ADAMTS2: variants seen among roughly 807,000 people sequenced by gnomAD.
The protein encoded by ADAMTS2 is A disintegrin and metalloproteinase with thrombospondin motifs 2.
In ADAMTS2, 50 loss-of-function variants were observed where a neutral mutation model predicts 123.0. The ratio of observed to expected loss-of-function variants is 0.41; its 90% CI spans 0.32 to 0.51. The LOEUF (loss-of-function observed/expected upper bound fraction) is 0.51, where lower values mean the gene tolerates loss of function less well. Ranked by LOEUF, ADAMTS2 falls within the 20% of genes least tolerant of loss-of-function variation. ADAMTS2 has a pLI of 0.35. For missense variants in ADAMTS2, 1,494 were observed against 1,705.2 expected (o/e 0.88, Z 2.18); for synonymous variants, 678 against 695.4 (o/e 0.98, Z 0.39).
rs559753547 is a variant in ADAMTS2 at position 179,130,242 on chromosome 5, C to T, written c.2291-144G>A. 11 of 1,016,094 alleles carry T rather than the reference C, an allele frequency of 1.1e-5. No individual in the cohort carries two copies. Among genetic ancestry groups the T allele is most frequent in the African/African-American group, 9.5e-5 (6 of 63,150 alleles). 62.9% of individuals were successfully genotyped at this position (1,016,094 alleles called of 1,614,324 possible). On this transcript the variant is annotated intron_variant, in intron 15 of 21. Transcript: ENST00000251582. The surrounding 1 kb of genome is among the most constrained non-coding windows in gnomAD (Gnocchi z 4.3). Reference sequence around the variant, plus strand: ...CCCCCGGCCAGTTTCCTCTGTGCCACGACAGCCCAGATGGCTCTGGGAGCC... The same window carrying T: ...CCCCCGGCCAGTTTCCTCTGTGCCATGACAGCCCAGATGGCTCTGGGAGCC...
intron 2 of ADAMTS2, among the ~76,000 whole-genome samples, chr5:179,330,919 A>G (rs1481579595): frequency 6.6e-6 from 1 of 152,186 alleles, no homozygotes; most frequent in African/African-American, 2.4e-5. Flanking sequence ...GAGAGGAGAC[A>G]TGAATTCCCC....
At chr5:179,276,118 CAGGCCTGGCGA>C (rs1766688383) in intron 2 of ADAMTS2, among the ~76,000 whole-genome samples, 1 of 152,146 alleles carries the variant, frequency 6.6e-6, no homozygotes, top group South Asian at 2.1e-4. Context: ...AGGGCTCAAC[CAGGCCTGGCGA>C]AGACTCAGCA....
chr5:179,336,319 C>T (rs153817), intron 2 of ADAMTS2, among the ~76,000 whole-genome samples: 46,706 of 152,172 alleles, frequency 0.31, 7,511 homozygotes, highest in East Asian at 0.54. Flanking sequence ...AGCTTTGCAT[C>T]GGTGAGGCAA....
rs1179902777 is a variant in ADAMTS2, at chr5:179,118,205, A to G, written c.3178+3456T>C. ...CCTGGCCAAGAGATTGACTATGCAA[A>G]TAGCCTAGGAAAATTTCAAAATAGC... is the stretch of plus-strand genomic sequence containing the variant. On this transcript the variant is annotated intron_variant, in intron 21 of 21. Transcript: ENST00000251582. The surrounding 1 kb of genome is among the most constrained non-coding windows in gnomAD (Gnocchi z 4.5). Among the ~76,000 whole-genome samples, 2 of 152,240 alleles carry G rather than the reference A, an allele frequency of 1.3e-5. No homozygotes were observed. Among genetic ancestry groups the G allele is most frequent in the African/African-American group, 4.8e-5 (2 of 41,464 alleles).
intron 2 of ADAMTS2, among the ~76,000 whole-genome samples, chr5:179,328,008 T>C (rs1757358930): frequency 6.6e-6 from 1 of 152,084 alleles, no homozygotes; most frequent in Non-Finnish European, 1.5e-5. Context: ...ATGGGAAACA[T>C]CCAAGCGAGA....
intron 3 of ADAMTS2, among the ~76,000 whole-genome samples, chr5:179,244,317 T>A (rs1360826426): frequency 6.8e-6 from 1 of 147,414 alleles, no homozygotes; most frequent in Non-Finnish European, 1.5e-5. Flanking sequence ...CAGTGGGATT[T>A]CCAGCCGACT....
chr5:179,114,079 C>T lies in ADAMTS2; in HGVS notation c.3424G>A (p.Val1142Ile). Residue 1142 changes from valine to isoleucine, a missense_variant, in exon 22 of 22, where the codon GTC (valine) becomes ATC (isoleucine). Val to Ile is a conservative substitution (Grantham distance 29). Around this residue, in one of 6 missense-constraint regions of ADAMTS2, gnomAD observed 953 missense variants for 1,124.7 expected, o/e 0.85. Coordinates refer to ENST00000251582, the MANE Select transcript of ADAMTS2 (RefSeq NM_014244.5). ...TTGGTGCTGGAGGCATTGAGAGGGA[C>T]CTCCAGGGGGGTGCTTGGTGATGGC... is the stretch of plus-strand genomic sequence containing the variant. ...VRPSPSTPLE[V>I]PLNASSTNAT... is the part of the protein sequence containing the mutation. The T allele has an allele frequency of 6.2e-7, 1 of 1,614,092 alleles. No homozygotes were observed. Among genetic ancestry groups the T allele is most frequent in the Non-Finnish European group, 8.5e-7 (1 of 1,180,024 alleles).
chr5:179,320,002 C>A (rs1049062265), intron 2 of ADAMTS2, among the ~76,000 whole-genome samples: 13 of 152,236 alleles, frequency 8.5e-5, no homozygotes, highest in Non-Finnish European at 1.5e-5. Context: ...TGCTGCCCAG[C>A]CTGACGGCTC....
At chr5:179,321,386 C>T (rs1159782296) in intron 2 of ADAMTS2, among the ~76,000 whole-genome samples, 1 of 152,180 alleles carries the variant, frequency 6.6e-6, no homozygotes, top group Non-Finnish European at 1.5e-5. Context: ...TCTCACTGGC[C>T]CCTCACCTGG....
At chr5:179,259,264 G>C (rs1448609037) in intron 3 of ADAMTS2, among the ~76,000 whole-genome samples, 2 of 152,150 alleles carry the variant, frequency 1.3e-5, no homozygotes, top group Admixed American at 1.3e-4. Context: ...CACACTCCAG[G>C]CCTCAGCCCA....
intron 13 of ADAMTS2, among the ~76,000 whole-genome samples, chr5:179,134,882 G>A (rs1235288203): frequency 1.3e-5 from 1 of 75,136 alleles, no homozygotes; most frequent in Admixed American, 1.4e-4. Flanking sequence ...TCCAGCTCCC[G>A]GCTCCAGACC....
intron 4 of ADAMTS2, among the ~76,000 whole-genome samples, chr5:179,205,054 C>T (rs536307418): frequency 3.5e-4 from 53 of 152,342 alleles, no homozygotes; most frequent in African/African-American, 1.2e-3. Context: ...TCATGCTTTT[C>T]TAGAAACGAA....
intron 2 of ADAMTS2, among the ~76,000 whole-genome samples, chr5:179,302,794 G>A (rs1035209901): frequency 1.9e-4 from 29 of 152,036 alleles, no homozygotes; most frequent in Admixed American, 1.7e-3. Flanking sequence ...AAGAGGCAGC[G>A]ATGGAGAGAT....
intron 5 of ADAMTS2, among the ~76,000 whole-genome samples, chr5:179,172,598 C>T (rs1763845931): frequency 6.6e-6 from 1 of 152,210 alleles, no homozygotes; most frequent in African/African-American, 2.4e-5. Flanking sequence ...GGTGGACCCC[C>T]TGCCCCAGCC....
intron 2 of ADAMTS2, among the ~76,000 whole-genome samples, chr5:179,276,489 A>G (rs765374271): frequency 5.3e-5 from 8 of 152,164 alleles, no homozygotes; most frequent in Non-Finnish European, 8.8e-5. Context: ...AAGCTCCCCA[A>G]GCGTCCAGTG....
At chr5:179,337,012 G>A (rs938057448) in intron 2 of ADAMTS2, among the ~76,000 whole-genome samples, 4 of 152,182 alleles carry the variant, frequency 2.6e-5, no homozygotes, top group South Asian at 4.1e-4. Context: ...TGGAGTCGTC[G>A]TGCAGTGTAA....
Position 179,260,912 on chromosome 5 carries a change from T to C in ADAMTS2, c.688+11999A>G, listed in dbSNP as rs462815. 0.37 allele frequency among the ~76,000 whole-genome samples: 55,505 copies of C among 151,866 alleles called. 10,460 individuals are homozygous for C. Among genetic ancestry groups the C allele is most frequent in the East Asian group, 0.58 (2,979 of 5,110 alleles). ...TTTCTCTCTGCTTCCAGGACTACCG[T>C]GCCTATTAAATGACACCATGAAGAG... On this transcript the variant is annotated intron_variant, in intron 3 of 21. Transcript: ENST00000251582. The surrounding 1 kb of genome is among the most constrained non-coding windows in gnomAD (Gnocchi z 4.2).
At chr5:179,342,397 T>C (rs938824302) in intron 2 of ADAMTS2, among the ~76,000 whole-genome samples, 1 of 152,182 alleles carries the variant, frequency 6.6e-6, no homozygotes, top group Admixed American at 6.5e-5. Flanking sequence ...GGGCTCACCA[T>C]TTTAACCCAG....
At position 179,180,970 on chromosome 5, in the gene ADAMTS2, T is replaced by C; in HGVS notation, c.975+102A>G. On this transcript the variant is annotated intron_variant, in intron 5 of 21. Coordinates refer to ENST00000251582, the MANE Select transcript of ADAMTS2 (RefSeq NM_014244.5). This position sits in a 1 kb window ranked among gnomAD's most constrained non-coding sequence, Gnocchi z 4.6. Reference sequence around the variant, plus strand: ...GGGGAGCCAGGGAGAGGCAGGGTGGTTCTGGCAAACGCACACACTCTCCAA... The same window carrying C: ...GGGGAGCCAGGGAGAGGCAGGGTGGCTCTGGCAAACGCACACACTCTCCAA... 2 of 884,892 alleles carry C rather than the reference T, an allele frequency of 2.3e-6. No homozygotes were observed. Among genetic ancestry groups the C allele is most frequent in the South Asian group, 1.3e-5 (1 of 74,124 alleles). The allele number at this position is 884,892 out of a possible 1,614,324, so 54.8% of individuals were successfully genotyped here.
Sources: allele counts gnomAD v4.1 joint callset (sites outside exome capture counted in the v4.1 genomes callset), GRCh38; gene constraint gnomAD v4.1.1; regional missense constraint gnomAD v4.1.1; non-coding constraint Gnocchi (gnomAD v3.1); transcripts MANE v1.5; gene names NCBI Gene and HGNC (gene_info 2026-07-23, HGNC 2026-07-21).